Variants in CNTN6 observed in about 807,000 individuals in gnomAD.
The protein encoded by CNTN6 is contactin-6.
A neutral mutation model predicts 122.8 loss-of-function variants in CNTN6; 137 were observed. That is an observed-to-expected ratio of 1.12 (90% CI 0.97 to 1.29). The LOEUF (loss-of-function observed/expected upper bound fraction) is 1.29. CNTN6 is among the 50% of genes most tolerant of loss of function. The pLI is 0.00. For missense variants in CNTN6, 1,634 were observed against 1,223.4 expected, an observed-to-expected ratio of 1.34 and a Z score of -5.01; for synonymous variants, 570 against 426.0, an observed-to-expected ratio of 1.34 and a Z score of -4.16.
At chr3:1,317,886 G>GT (rs140479175) in intron 7 of CNTN6, among the ~76,000 whole-genome samples, 1 of 130,410 alleles carries the variant, frequency 7.7e-6, no homozygotes. Context: ...AAAAATGCAG[G>GT]TTAAAAAAAA....
chr3:1,213,655 T>C, intron 2 of CNTN6, among the ~76,000 whole-genome samples: 1 of 151,910 alleles, frequency 6.6e-6, no homozygotes. Context: ...ATATACTGTA[T>C]TCATGTATAG....
chr3:1,375,154 T>C (rs190864065), intron 16 of CNTN6, among the ~76,000 whole-genome samples: 159 of 152,178 alleles, frequency 1.0e-3, no homozygotes, highest in Non-Finnish European at 2.0e-3. Flanking sequence ...ATATACCCCC[T>C]GGATCAGAAT....
chr3:1,252,173 C>G (rs993075238), intron 4 of CNTN6, among the ~76,000 whole-genome samples: 4 of 152,180 alleles, frequency 2.6e-5, no homozygotes, highest in South Asian at 2.1e-4. Context: ...CATTGCCTAG[C>G]TTGCCTTTCC....
intron 7 of CNTN6, among the ~76,000 whole-genome samples, chr3:1,320,157 A>G (rs1306521859): frequency 6.6e-6 from 1 of 151,722 alleles, no homozygotes; most frequent in African/African-American, 2.4e-5. Context: ...GCTTTTTAAA[A>G]GGACAAAAAC....
chr3:1,257,631 G>C (rs1428250372), intron 4 of CNTN6, among the ~76,000 whole-genome samples: 1 of 152,058 alleles, frequency 6.6e-6, no homozygotes, highest in Non-Finnish European at 1.5e-5. Context: ...AATCCAAGAG[G>C]TTTTCTGCTG....
chr3:1,382,403 T>C (rs1453924233), intron 17 of CNTN6, among the ~76,000 whole-genome samples: 1 of 152,192 alleles, frequency 6.6e-6, no homozygotes, highest in Non-Finnish European at 1.5e-5. Flanking sequence ...TGCACACATG[T>C]CACTACCAAT....
At chr3:1,128,527 A>T (rs1273691811) in intron 1 of CNTN6, 1 of 152,050 alleles carries the variant, frequency 6.6e-6, no homozygotes, top group Non-Finnish European at 1.5e-5. Flanking sequence ...CAAAAATCAC[A>T]CAGAAAATTA....
intron 11 of CNTN6, among the ~76,000 whole-genome samples, chr3:1,345,365 C>G (rs1704527197): frequency 6.6e-6 from 1 of 152,078 alleles, no homozygotes; most frequent in South Asian, 2.1e-4. Flanking sequence ...ATTCACCCAC[C>G]CTGGCCTCCC....
chr3:1,099,222 C>CG (rs2090723499), intron 1 of CNTN6, among the ~76,000 whole-genome samples: 1 of 152,022 alleles, frequency 6.6e-6, no homozygotes, highest in Non-Finnish European at 1.5e-5. Flanking sequence ...GAGGCCGAGG[C>CG]GGGCGGATCA....
chr3:1,344,988 A>G (rs1704452461), intron 11 of CNTN6, among the ~76,000 whole-genome samples: 1 of 151,504 alleles, frequency 6.6e-6, no homozygotes, highest in South Asian at 2.1e-4. Context: ...GCTTTTTTTC[A>G]TTTTTACTAC....
chr3:1,161,866 A>G (rs2093142427), intron 2 of CNTN6, among the ~76,000 whole-genome samples: 1 of 152,094 alleles, frequency 6.6e-6, no homozygotes, highest in African/African-American at 2.4e-5. Flanking sequence ...ATGTTACATT[A>G]CACTAAATGA....
In CNTN6 at chr3:1,401,493, A is replaced by G; in HGVS notation, c.2765A>G (p.Asn922Ser). Residue 922 changes from asparagine (N) to serine (S), a missense_variant, in exon 21 of 23, where the codon AAC (asparagine) becomes AGC (serine). Asn to Ser is a conservative substitution (Grantham distance 46). Coordinates refer to ENST00000446702, the MANE Select transcript of CNTN6 (RefSeq NM_001289080.2). ...WKLTNSKLCL[N>S]WEHVKTMENE... Reference sequence around the variant, plus strand: ...CTGACAAACTCTAAATTATGCTTGAACTGGGAGCATGTAAAAACCATGGAA... The same window carrying G: ...CTGACAAACTCTAAATTATGCTTGAGCTGGGAGCATGTAAAAACCATGGAA... The G allele has an allele frequency of 6.2e-7, 1 of 1,612,132 alleles. No individual in the cohort carries two copies. Among genetic ancestry groups the G allele is most frequent in the Non-Finnish European group, 8.5e-7 (1 of 1,178,662 alleles).
chr3:1,301,236 T>C (rs1697360316), intron 7 of CNTN6, among the ~76,000 whole-genome samples: 1 of 151,916 alleles, frequency 6.6e-6, no homozygotes, highest in African/African-American at 2.4e-5. Flanking sequence ...GGAGTTTCAC[T>C]GTGTTGGCCA....
At chr3:1,365,543 A>G (rs758972819) in intron 12 of CNTN6, among the ~76,000 whole-genome samples, 4 of 152,072 alleles carry the variant, frequency 2.6e-5, no homozygotes, top group African/African-American at 4.8e-5. Context: ...AGAAGTCCTT[A>G]TATACCAAGA....
chr3:1,366,168 A>G (rs1708187034), intron 12 of CNTN6, among the ~76,000 whole-genome samples: 1 of 152,208 alleles, frequency 6.6e-6, no homozygotes, highest in Non-Finnish European at 1.5e-5. Context: ...TTTTAAAACC[A>G]CTAGATCAGA....
intron 7 of CNTN6, among the ~76,000 whole-genome samples, chr3:1,321,308 C>T (rs17443615): frequency 0.032 from 4,788 of 151,758 alleles, 126 homozygotes; most frequent in South Asian, 0.059. Context: ...TCTTTTGTTT[C>T]GGTTATTGCA....
chr3:1,158,842 A>ATGTGTGTG (rs1553610609), intron 2 of CNTN6, among the ~76,000 whole-genome samples: 2 of 75,696 alleles, frequency 2.6e-5, no homozygotes, highest in Non-Finnish European at 4.9e-5. Context: ...ACACACACAT[A>ATGTGTGTG]TATATACATA....
intron 11 of CNTN6, among the ~76,000 whole-genome samples, chr3:1,333,730 C>T (rs1702649847): frequency 6.6e-6 from 1 of 152,064 alleles, no homozygotes; most frequent in Non-Finnish European, 1.5e-5. Flanking sequence ...GACTGAAGTG[C>T]TGACTTATAA....
chr3:1,102,306 T>C (rs553919073), intron 1 of CNTN6, among the ~76,000 whole-genome samples: 171 of 152,170 alleles, frequency 1.1e-3, no homozygotes, highest in Non-Finnish European at 5.7e-4. Flanking sequence ...AATAGAGCTT[T>C]TAGTGAAAGA....
Sources: gnomAD v4.1 joint callset for allele counts (sites outside exome capture counted in the v4.1 genomes callset) on GRCh38, gnomAD v4.1.1 for gene constraint, MANE v1.5 for transcripts, NCBI Gene and HGNC (gene_info 2026-07-23, HGNC 2026-07-21) for gene names.